The following TRIM24 variants were observed in gnomAD, a reference collection of about 807,000 sequenced individuals.
TRIM24 encodes transcription intermediary factor 1-alpha.
TRIM24 carries 29 observed loss-of-function variants against 123.9 expected under a neutral mutation model. That is an observed-to-expected ratio of 0.23 (90% CI 0.17 to 0.32). The LOEUF (loss-of-function observed/expected upper bound fraction) is 0.32. Among genes scored for constraint, TRIM24 ranks in the 10% least tolerant of loss-of-function variants. TRIM24 has a pLI of 1.00. For missense variants in TRIM24, 932 were observed against 1,295.3 expected (o/e 0.72, Z 4.31); for synonymous variants, 456 against 461.1 (o/e 0.99, Z 0.14).
intron 14 of TRIM24, 43 bp from the exon 15 acceptor site, chr7:138,579,161 A>AT (rs779986773): frequency 6.7e-6 from 10 of 1,497,252 alleles, no homozygotes; most frequent in East Asian, 4.5e-5. Flanking sequence ...TAGTGATAAA[A>AT]TTTTTTTTAA....
chr7:138,584,414 CTCA>C (rs1212640623), intron 18 of TRIM24, among the ~76,000 whole-genome samples: 3 of 152,180 alleles, frequency 2.0e-5, no homozygotes, highest in Non-Finnish European at 2.9e-5. Flanking sequence ...TTCTCTGTTA[CTCA>C]TTCTAATAGT....
intron 12 of TRIM24, among the ~76,000 whole-genome samples, chr7:138,575,646 C>A (rs6963539): frequency 0.24 from 36,415 of 151,890 alleles, 5,373 homozygotes; most frequent in East Asian, 0.49. Flanking sequence ...TTCCCACTTT[C>A]ATTGTATTCC....
rs1796585185 is a variant in TRIM24, at chr7:138,525,277, A to G, written c.801A>G (p.Lys267=). 1 of 1,509,524 alleles carries G rather than the reference A, an allele frequency of 6.6e-7. No homozygotes were observed. Among genetic ancestry groups the G allele is most frequent in the Non-Finnish European group, 8.8e-7 (1 of 1,135,568 alleles). 93.5% of individuals were successfully genotyped at this position (1,509,524 alleles called of 1,614,324 possible). A position where few individuals can be genotyped will look rare whatever the true frequency, so the allele number is the denominator to read the frequency against. ...TAGAAGAAGCTTTTCAGAATCAGAAAGTGATCATAGATACACTAATCACCA... is the reference window on the plus strand; with the variant it reads ...TAGAAGAAGCTTTTCAGAATCAGAAGGTGATCATAGATACACTAATCACCA... ...QFIEEAFQNQ[K]VIIDTLITKL... The change falls in exon 5 of 19, where the codon AAA becomes AAG. Residue 267 remains lysine (K), a synonymous_variant. Transcript: ENST00000343526.
At position 138,585,079 on chromosome 7, in the gene TRIM24, C is replaced by A; in HGVS notation, c.*128C>A. 1.3e-6 allele frequency: 1 copy of A among 750,952 alleles called. No homozygotes were observed. The highest frequency in any genetic ancestry group is 2.7e-5 in the South Asian group (1 of 37,154). 46.5% of individuals were successfully genotyped at this position (750,952 alleles called of 1,614,324 possible). On this transcript the variant is annotated 3_prime_UTR_variant, in exon 19 of 19. Coordinates refer to ENST00000343526, the MANE Select transcript of TRIM24 (RefSeq NM_015905.3). ...TTCTCATCTCTGTTTTGGACGTTTACTAGACTTTGATTTCCTTAATAGCCC... is the reference window on the plus strand; with the variant it reads ...TTCTCATCTCTGTTTTGGACGTTTAATAGACTTTGATTTCCTTAATAGCCC...
intron 6 of TRIM24, among the ~76,000 whole-genome samples, chr7:138,537,390 T>TG (rs1796910058): frequency 7.8e-6 from 1 of 127,448 alleles, no homozygotes; most frequent in Non-Finnish European, 1.7e-5. Flanking sequence ...TTTTTTTTTT[T>TG]TTTTTTTTTT....
chr7:138,538,628 T>A, intron 6 of TRIM24, 29 bp from the exon 7 acceptor site: 1 of 1,612,366 alleles, frequency 6.2e-7, no homozygotes, highest in African/African-American at 1.3e-5. Flanking sequence ...ATGCTGATAC[T>A]AATTTTGAAA....
intron 1 of TRIM24, among the ~76,000 whole-genome samples, chr7:138,492,772 G>A (rs1186138442): frequency 6.6e-6 from 1 of 152,154 alleles, no homozygotes; most frequent in Non-Finnish European, 1.5e-5. Flanking sequence ...CCTGCTTGGA[G>A]CTTATTGAGC....
rs138896820 is a variant in TRIM24 at position 138,491,755 on chromosome 7, C to A, written c.365-12535C>A. Among the ~76,000 whole-genome samples, 263 of 152,248 alleles carry A rather than the reference C, an allele frequency of 1.7e-3. 1 individual carries two copies. Among genetic ancestry groups the A allele is most frequent in the Admixed American group, 2.8e-3 (43 of 15,272 alleles). The stretch of plus-strand genomic sequence containing the variant: ...CAAAACTGTTACCACAGCAGCTCCA[C>A]CATTTTGCATCGTGTCAGCAGTGCA... On this transcript the variant is annotated intron_variant, in intron 1 of 18. Transcript: ENST00000343526.
chr7:138,517,781 G>A (rs1413569847), intron 3 of TRIM24, among the ~76,000 whole-genome samples: 2 of 152,090 alleles, frequency 1.3e-5, no homozygotes, highest in Non-Finnish European at 2.9e-5. Flanking sequence ...AATGCAAATG[G>A]CTGATTACTG....
In TRIM24 at chr7:138,573,580, G is replaced by C; in HGVS notation, c.1952G>C (p.Arg651Thr). Residue 651 changes from arginine to threonine, a missense_variant, in exon 12 of 19, where the codon AGA becomes ACA. Physicochemically the swap from Arg to Thr is moderately conservative, Grantham distance 71. Around this residue, in one of 7 missense-constraint regions of TRIM24, gnomAD observed 527 missense variants for 691.3 expected, o/e 0.76. Coordinates refer to ENST00000343526, the MANE Select transcript of TRIM24 (RefSeq NM_015905.3). ...KDTNIDHGQP[R>T]PPSNRTVQSP... ...ACTAATATAGATCATGGCCAGCCAA[G>C]ACCACCCTCAAACAGAACGGTCCAG... 6.2e-7 allele frequency: 1 copy of C among 1,614,012 alleles called. No homozygotes were observed.
intron 9 of TRIM24, among the ~76,000 whole-genome samples, chr7:138,560,472 G>A (rs1797403376): frequency 6.6e-6 from 1 of 152,210 alleles, no homozygotes. Flanking sequence ...GGGCAGCTCA[G>A]TGAAGTCCAT....
chr7:138,531,516 T>C (rs1796745583), intron 6 of TRIM24, among the ~76,000 whole-genome samples: 1 of 152,142 alleles, frequency 6.6e-6, no homozygotes. Context: ...TGGTTTCCAG[T>C]TTCATCCATG....
At chr7:138,522,128 A>T (rs1212860390) in intron 4 of TRIM24, among the ~76,000 whole-genome samples, 1 of 152,102 alleles carries the variant, frequency 6.6e-6, no homozygotes, top group African/African-American at 2.4e-5. Flanking sequence ...ATAAGTAAGT[A>T]AGTAAATAAA....
chr7:138,570,664 AG>A lies in TRIM24; in HGVS notation c.1705-165del, dbSNP rs1429880108. Among the ~76,000 whole-genome samples, 162 of 149,648 alleles carry A rather than the reference AG, an allele frequency of 1.1e-3. 2 individuals carry two copies. Among genetic ancestry groups the A allele is most frequent in the Non-Finnish European group, 3.1e-4 (21 of 67,522 alleles). On this transcript the variant is annotated intron_variant, in intron 10 of 18. Coordinates refer to ENST00000343526, the MANE Select transcript of TRIM24 (RefSeq NM_015905.3). ...TTTTGGTTTTTTTTTTTTTTTGACA[AG>A]ATTAATGAAAATTATATATACTTGT...
intron 11 of TRIM24, 58 bp from the exon 12 acceptor site, chr7:138,573,449 A>T: frequency 1.4e-6 from 2 of 1,447,148 alleles, no homozygotes; most frequent in Non-Finnish European, 1.8e-6. Flanking sequence ...TATAAATTTA[A>T]AAGTAGCTTT....
At chr7:138,531,314 C>T (rs987647741) in intron 6 of TRIM24, among the ~76,000 whole-genome samples, 3 of 146,596 alleles carry the variant, frequency 2.0e-5, no homozygotes, top group Non-Finnish European at 2.9e-5. Context: ...GTGTGCTGCA[C>T]CCATTAACTC....
In TRIM24 at chr7:138,589,115, G is replaced by C. The variant is rs528149971; in HGVS notation, c.*4164G>C. The C allele has an allele frequency of 7.1e-5, 10 of 139,922 alleles. No homozygotes were observed. The highest frequency in any genetic ancestry group is 2.4e-4 in the African/African-American group (10 of 41,198). 8.7% of individuals were successfully genotyped at this position (139,922 alleles called of 1,614,324 possible). A position where few individuals can be genotyped will look rare whatever the true frequency, so the allele number is the denominator to read the frequency against. ...TACATATTTTTAAAAGTATTTTATA[G>C]CCCTATGTAAATTAATAGTTGATGT... On this transcript the variant is annotated 3_prime_UTR_variant, in exon 19 of 19. Transcript: ENST00000343526.
At chr7:138,545,164 G>A (rs994034981) in intron 7 of TRIM24, among the ~76,000 whole-genome samples, 7 of 110,150 alleles carry the variant, frequency 6.4e-5, no homozygotes, top group Non-Finnish European at 9.9e-5. Flanking sequence ...TAAAATCTGC[G>A]TGTGTGTGTG....
chr7:138,518,822 CAAAAAA>C (rs1415054662), intron 3 of TRIM24, among the ~76,000 whole-genome samples: 1 of 152,052 alleles, frequency 6.6e-6, no homozygotes, highest in African/African-American at 2.4e-5. Context: ...ATTGCATTTT[CAAAAAA>C]TCTCCTCCCA....
Sources: gnomAD v4.1 joint callset for allele counts (sites outside exome capture counted in the v4.1 genomes callset) on GRCh38, gnomAD v4.1.1 for gene constraint, gnomAD v4.1.1 regional missense constraint, MANE v1.5 for transcripts, NCBI Gene and HGNC (gene_info 2026-07-23, HGNC 2026-07-21) for gene names.